The following JAZF1 variants were observed in gnomAD, a reference collection of about 807,000 sequenced individuals.
The protein encoded by JAZF1 is juxtaposed with another zinc finger protein 1.
JAZF1 carries 8 observed loss-of-function variants against 26.4 expected under a neutral mutation model. The ratio of observed to expected loss-of-function variants is 0.30; its 90% CI spans 0.18 to 0.55. The LOEUF is 0.55. Among genes scored for constraint, JAZF1 ranks in the 20% least tolerant of loss-of-function variants. JAZF1 has a pLI of 0.94. For synonymous variants in JAZF1, 126 were observed against 122.3 expected (o/e 1.03, Z -0.20); for missense variants, 199 against 322.0 (o/e 0.62, Z 2.92).
intron 2 of JAZF1, among the ~76,000 whole-genome samples, chr7:27,974,189 A>G (rs1024161743): frequency 2.0e-5 from 3 of 152,232 alleles, no homozygotes; most frequent in African/African-American, 7.2e-5. Flanking sequence ...AAACCCACAG[A>G]TAGTGGGGTG....
intron 2 of JAZF1, among the ~76,000 whole-genome samples, chr7:27,976,152 G>A (rs1040703000): frequency 6.6e-6 from 1 of 152,052 alleles, no homozygotes; most frequent in African/African-American, 2.4e-5. Context: ...AGACCATCCT[G>A]GCTACCATGG....
chr7:28,000,284 G>C (rs1042320152), intron 1 of JAZF1, among the ~76,000 whole-genome samples: 1 of 152,182 alleles, frequency 6.6e-6, no homozygotes, highest in Admixed American at 6.5e-5. Flanking sequence ...CTAACAACTG[G>C]AGGGAGGGTT....
At chr7:28,154,938 T>C (rs1783158139) in intron 1 of JAZF1, among the ~76,000 whole-genome samples, 1 of 151,500 alleles carries the variant, frequency 6.6e-6, no homozygotes, top group African/African-American at 2.4e-5. Flanking sequence ...AGGCAAAACA[T>C]TAAAAAAAAA....
At chr7:28,119,555 A>G (rs772968587) in intron 1 of JAZF1, among the ~76,000 whole-genome samples, 8 of 152,118 alleles carry the variant, frequency 5.3e-5, no homozygotes, top group Non-Finnish European at 1.0e-4. Context: ...GACCCTCCCC[A>G]TGACCCTGTG....
At chr7:27,852,014 C>T (rs1216839111) in intron 3 of JAZF1, among the ~76,000 whole-genome samples, 4 of 151,888 alleles carry the variant, frequency 2.6e-5, no homozygotes, top group Non-Finnish European at 5.9e-5. Flanking sequence ...GTTATGGACC[C>T]ACACTGATGC....
At position 28,092,290 on chromosome 7, in the gene JAZF1, C is replaced by CCAAAAAAAAAAAAA. The variant is rs1784310777; in HGVS notation, c.115+88172_115+88173insTTTTTTTTTTTTTG. Among the ~76,000 whole-genome samples the CCAAAAAAAAAAAAA allele has an allele frequency of 2.1e-3, 27 of 12,802 alleles. 3 individuals are homozygous for CCAAAAAAAAAAAAA. Among genetic ancestry groups the CCAAAAAAAAAAAAA allele is most frequent in the African/African-American group, 5.4e-3 (25 of 4,646 alleles). 8.4% of individuals were successfully genotyped at this position (12,802 alleles called of 152,430 possible). Reference sequence around the variant, plus strand: ...AACATCCCATTTCAGGGACAAAAGGCAAAAAAAAAAAAAAAAAAAAAAAAA... The same window carrying CCAAAAAAAAAAAAA: ...AACATCCCATTTCAGGGACAAAAGGCCAAAAAAAAAAAAAAAAAAAAAAAAAAAAAAAAAAAAAA... On this transcript the variant is annotated intron_variant, in intron 1 of 4. Transcript: ENST00000283928.
chr7:28,076,184 T>G (rs568387324), intron 1 of JAZF1, among the ~76,000 whole-genome samples: 70 of 152,344 alleles, frequency 4.6e-4, no homozygotes, highest in Middle Eastern at 6.8e-3. Flanking sequence ...TCAGAGCACT[T>G]CAAGGGGCTC....
intron 2 of JAZF1, among the ~76,000 whole-genome samples, chr7:27,991,574 C>T (rs774588135): frequency 3.9e-5 from 6 of 152,150 alleles, no homozygotes; most frequent in Non-Finnish European, 8.8e-5. Context: ...AGTACTTCTT[C>T]ACCTCAGGAT....
intron 1 of JAZF1, among the ~76,000 whole-genome samples, chr7:28,047,345 G>A (rs1464714018): frequency 2.0e-5 from 3 of 151,886 alleles, no homozygotes; most frequent in African/African-American, 7.3e-5. Context: ...ATGAACTTTA[G>A]AAACAAACTT....
At chr7:28,113,070 G>A (rs906803069) in intron 1 of JAZF1, among the ~76,000 whole-genome samples, 2 of 152,228 alleles carry the variant, frequency 1.3e-5, no homozygotes, top group Admixed American at 6.5e-5. Flanking sequence ...GGGGAAATGG[G>A]AACCCGCCTC....
chr7:28,160,170 G>A (rs1243722606), intron 1 of JAZF1, among the ~76,000 whole-genome samples: 3 of 152,028 alleles, frequency 2.0e-5, no homozygotes, highest in Non-Finnish European at 2.9e-5. Context: ...AATCTCATGA[G>A]GAGGGATGGG....
At chr7:27,972,276 C>T (rs1287274785) in intron 2 of JAZF1, among the ~76,000 whole-genome samples, 1 of 152,166 alleles carries the variant, frequency 6.6e-6, no homozygotes, top group Non-Finnish European at 1.5e-5. Flanking sequence ...TGACATCTGA[C>T]CAGAGACTAA....
At chr7:27,852,367 C>T (rs943111313) in intron 3 of JAZF1, among the ~76,000 whole-genome samples, 1 of 152,102 alleles carries the variant, frequency 6.6e-6, no homozygotes, top group African/African-American at 2.4e-5. Flanking sequence ...CTCTTGACCT[C>T]AGGTGATCTG....
intron 1 of JAZF1, among the ~76,000 whole-genome samples, chr7:28,080,915 A>C (rs938502303): frequency 2.7e-5 from 4 of 150,828 alleles, no homozygotes; most frequent in African/African-American, 7.5e-5. Context: ...GAAAATGGCC[A>C]TAAACCTACA....
chr7:28,075,281 T>A (rs150145253), intron 1 of JAZF1, among the ~76,000 whole-genome samples: 1 of 152,290 alleles, frequency 6.6e-6, no homozygotes, highest in East Asian at 1.9e-4. Context: ...ATCATTACTA[T>A]GCCCCAGCAT....
chr7:28,069,291 A>G (rs1409756095), intron 1 of JAZF1, among the ~76,000 whole-genome samples: 1 of 152,202 alleles, frequency 6.6e-6, no homozygotes, highest in Non-Finnish European at 1.5e-5. Context: ...TGTTTTCACA[A>G]TGAGACTCAT....
chr7:27,866,960 A>C (rs563208593), intron 3 of JAZF1, among the ~76,000 whole-genome samples: 1 of 152,332 alleles, frequency 6.6e-6, no homozygotes, highest in South Asian at 2.1e-4. Context: ...TGGCCCAGAC[A>C]CTAAGGGAGT....
chr7:28,111,382 T>G (rs913646980), intron 1 of JAZF1, among the ~76,000 whole-genome samples: 3 of 152,256 alleles, frequency 2.0e-5, no homozygotes, highest in African/African-American at 7.2e-5. Flanking sequence ...ATTAGGGTTT[T>G]GTTACATTTT....
At chr7:28,000,315 T>C (rs1231428065) in intron 1 of JAZF1, among the ~76,000 whole-genome samples, 1 of 151,364 alleles carries the variant, frequency 6.6e-6, no homozygotes, top group Non-Finnish European at 1.5e-5. Context: ...ATCTAGGGGG[T>C]AGAGGGCAGG....
Sources: gnomAD v4.1 joint callset for allele counts (sites outside exome capture counted in the v4.1 genomes callset) on GRCh38, gnomAD v4.1.1 for gene constraint, MANE v1.5 for transcripts, NCBI Gene and HGNC (gene_info 2026-07-23, HGNC 2026-07-21) for gene names.